Variants in MTMR3 observed in about 807,000 individuals in gnomAD.
MTMR3 encodes the protein myotubularin related protein 3, also known as phosphatidylinositol-3,5-bisphosphate 3-phosphatase MTMR3.
MTMR3 carries 32 observed loss-of-function variants against 132.4 expected under a neutral mutation model. The observed-to-expected ratio is 0.24, with a 90% CI of 0.18 to 0.32. The LOEUF (loss-of-function observed/expected upper bound fraction) is 0.32. MTMR3 is among the 10% of genes least tolerant of loss of function. The pLI is 1.00. For synonymous variants in MTMR3, 556 were observed against 550.3 expected (o/e 1.01, Z -0.14); for missense variants, 1,216 against 1,489.6 (o/e 0.82, Z 3.02).
intron 8 of MTMR3, chr22:30,001,944 T>C (rs2067184035): frequency 6.6e-6 from 1 of 152,156 alleles, no homozygotes; most frequent in African/African-American, 2.4e-5. Flanking sequence ...ATTTTGTGTT[T>C]TTCTGCGCTT....
At chr22:30,007,088 G>T in intron 9 of MTMR3, 26 bp from the exon 10 acceptor site, 1 of 1,611,690 alleles carries the variant, frequency 6.2e-7, no homozygotes, top group Non-Finnish European at 8.5e-7. Context: ...AATGGGTACA[G>T]TTGTTGTCTC....
At chr22:29,910,064 T>A (rs1269754890) in intron 1 of MTMR3, among the ~76,000 whole-genome samples, 1 of 151,592 alleles carries the variant, frequency 6.6e-6, no homozygotes, top group Admixed American at 6.6e-5. Flanking sequence ...CTCGGGAGGC[T>A]GAGGCAGGAG....
chr22:29,899,539 A>G (rs1328256780), intron 1 of MTMR3: 1 of 152,146 alleles, frequency 6.6e-6, no homozygotes, highest in Non-Finnish European at 1.5e-5. Context: ...CCCATTCTTC[A>G]TATTGATCAT....
chr22:29,903,547 C>A (rs760443669), intron 1 of MTMR3, among the ~76,000 whole-genome samples: 9 of 151,746 alleles, frequency 5.9e-5, no homozygotes. Context: ...GCCAACATGC[C>A]TGGCTAATTT....
intron 2 of MTMR3, among the ~76,000 whole-genome samples, chr22:29,961,340 A>T (rs887585426): frequency 3.3e-5 from 5 of 152,122 alleles, no homozygotes; most frequent in African/African-American, 1.2e-4. Flanking sequence ...TCACTAATTG[A>T]TGGATGGTTA....
intron 2 of MTMR3, among the ~76,000 whole-genome samples, chr22:29,967,917 C>CTGTGTGTGTGTGTGTG (rs57853762): frequency 2.7e-5 from 4 of 148,342 alleles, no homozygotes; most frequent in African/African-American, 1.0e-4. Flanking sequence ...ATTATATATA[C>CTGTGTGTGTGTGTGTG]TGTGTGTGTG....
chr22:30,025,113 T>C (rs1407258243), intron 19 of MTMR3: 1 of 161,968 alleles, frequency 6.2e-6, no homozygotes, highest in Non-Finnish European at 1.4e-5. Flanking sequence ...AGCAGAGCAG[T>C]CCAAAATGGC....
rs576132905 is a variant in MTMR3 at position 30,022,846 on chromosome 22, T to C, written c.3425+149T>C. On this transcript the variant is annotated intron_variant, in intron 19 of 19. Coordinates refer to ENST00000401950, the MANE Select transcript of MTMR3 (RefSeq NM_021090.4). ...TCTTCCTGTGCCTCTGAAATTGGTG[T>C]TTGCAAAACTGCATTTGGCATCTTT... is the stretch of plus-strand genomic sequence containing the variant. 52 of 666,978 alleles carry C rather than the reference T, an allele frequency of 7.8e-5. No individual in the cohort carries two copies. The Middle Eastern group carries it at 9.8e-4, about 13-fold the overall frequency. 41.3% of individuals were successfully genotyped at this position (666,978 alleles called of 1,614,324 possible).
At chr22:29,951,887 AG>A (rs1378127353) in intron 1 of MTMR3, among the ~76,000 whole-genome samples, 3 of 138,408 alleles carry the variant, frequency 2.2e-5, no homozygotes, top group African/African-American at 5.2e-5. Flanking sequence ...TTACAAGTAA[AG>A]GTTTTTTTTT....
At chr22:29,883,860 C>T (rs1229097731) in intron 1 of MTMR3, among the ~76,000 whole-genome samples, 2 of 152,138 alleles carry the variant, frequency 1.3e-5, no homozygotes, top group Non-Finnish European at 2.9e-5. Context: ...GAGGAGTGAC[C>T]GCCCGATCGT....
Position 29,991,200 on chromosome 22 carries a change from C to A in MTMR3, c.294-304C>A, listed in dbSNP as rs147699560. On this transcript the variant is annotated intron_variant, in intron 6 of 19. Transcript: ENST00000401950. ...GGAAGAAGTAGAATGAAACTCCACT[C>A]ATGAAAGAGAATAGCTGCCATTTTT... The A allele has an allele frequency of 1.2e-3, 229 of 185,254 alleles. 1 individual carries two copies. The South Asian group carries it at 0.029, about 24-fold the overall frequency. 11.5% of individuals were successfully genotyped at this position (185,254 alleles called of 1,614,324 possible).
intron 7 of MTMR3, 70 bp from the exon 8 acceptor site, chr22:29,998,687 CTTTG>C (rs1569042464): frequency 1.1e-6 from 1 of 914,424 alleles, no homozygotes; most frequent in East Asian, 2.7e-5. Context: ...ATGTATATTT[CTTTG>C]TTTTTATTCC....
chr22:29,939,819 C>A (rs1316446183), intron 1 of MTMR3, among the ~76,000 whole-genome samples: 2 of 152,146 alleles, frequency 1.3e-5, no homozygotes, highest in Admixed American at 1.3e-4. Context: ...ATCATATCTC[C>A]TGTGACCTGC....
intron 2 of MTMR3, among the ~76,000 whole-genome samples, chr22:29,963,600 A>G (rs2066357184): frequency 6.6e-6 from 1 of 151,652 alleles, no homozygotes; most frequent in Admixed American, 6.6e-5. Flanking sequence ...GTTGGCCGGG[A>G]TGGTCTCGAT....
At chr22:29,974,800 A>G (rs1312820157) in intron 3 of MTMR3, among the ~76,000 whole-genome samples, 1 of 152,244 alleles carries the variant, frequency 6.6e-6, no homozygotes, top group East Asian at 1.9e-4. Context: ...TCTAGGCCTT[A>G]TGAGTTTATG....
At chr22:29,933,020 G>C (rs1418382452) in intron 1 of MTMR3, among the ~76,000 whole-genome samples, 1 of 152,004 alleles carries the variant, frequency 6.6e-6, no homozygotes, top group Admixed American at 6.6e-5. Context: ...TCAGGCTGGA[G>C]TGCAGTGGTG....
intron 1 of MTMR3, among the ~76,000 whole-genome samples, chr22:29,906,568 T>G (rs2065108459): frequency 6.6e-6 from 1 of 151,802 alleles, no homozygotes; most frequent in Admixed American, 6.6e-5. Flanking sequence ...ACTCCTGACC[T>G]CAAGTGTTCC....
intron 1 of MTMR3, among the ~76,000 whole-genome samples, chr22:29,905,799 A>AT (rs1448102450): frequency 6.6e-6 from 1 of 152,198 alleles, no homozygotes; most frequent in Non-Finnish European, 1.5e-5. Context: ...TATTAAAACA[A>AT]TTTTATGGGG....
Position 30,007,904 on chromosome 22 carries a change from C to G in MTMR3, c.881C>G (p.Ser294Cys). ...GGDLSDVEFD[S>C]SLSNASGAES... is the part of the protein sequence containing the mutation. ...CCCTCTCCCTCTGTGTCCCTAGATT[C>G]TTCTCTGTCAAATGCTTCAGGAGCA... The change falls in exon 11 of 20, where the codon TCT becomes TGT. Residue 294 changes from serine (S) to cysteine (C), a missense_variant. By Grantham distance (112) the Ser-to-Cys change is moderately radical. Around this residue, in one of 7 missense-constraint regions of MTMR3, gnomAD observed 47 missense variants for 46.8 expected, o/e 1.00. Transcript: ENST00000401950. The G allele has an allele frequency of 6.2e-7, 1 of 1,613,696 alleles. No homozygotes were observed. Among genetic ancestry groups the G allele is most frequent in the South Asian group, 1.1e-5 (1 of 91,052 alleles).
Sources: allele counts gnomAD v4.1 joint callset (sites outside exome capture counted in the v4.1 genomes callset), GRCh38; gene constraint gnomAD v4.1.1; regional missense constraint gnomAD v4.1.1; transcripts MANE v1.5; gene names NCBI Gene and HGNC (gene_info 2026-07-23, HGNC 2026-07-21).